CLASP2: variants seen among roughly 807,000 people sequenced by gnomAD.
The protein encoded by CLASP2 is cytoplasmic linker associated protein 2, also known as CLIP-associating protein 2.
CLASP2 carries 47 observed loss-of-function variants against 194.4 expected under a neutral mutation model. The ratio of observed to expected loss-of-function variants is 0.24; its 90% CI spans 0.19 to 0.31. The LOEUF is 0.31. Among genes scored for constraint, CLASP2 ranks in the 10% least tolerant of loss-of-function variants. The probability of loss-of-function intolerance (pLI) is 1.00; values close to 1 mark genes in which losing one functional copy is unlikely to be tolerated. For missense variants in CLASP2, 1,445 were observed against 1,823.6 expected (o/e 0.79, Z 3.78); for synonymous variants, 619 against 633.5 (o/e 0.98, Z 0.34).
intron 12 of CLASP2, 144 bp from the exon 13 acceptor site, chr3:33,612,215 T>C: frequency 1.6e-6 from 1 of 606,576 alleles, no homozygotes; most frequent in Non-Finnish European, 2.9e-6. Context: ...TTAAGACCAG[T>C]CTTGAAAAGT....
chr3:33,642,944 T>C (rs2081583865), intron 8 of CLASP2, among the ~76,000 whole-genome samples: 1 of 151,846 alleles, frequency 6.6e-6, no homozygotes, highest in South Asian at 2.1e-4. Flanking sequence ...GAATGAAGGC[T>C]TCTACCTTAT....
intron 2 of CLASP2, 112 bp downstream of exon 2, chr3:33,696,743 G>T: frequency 1.2e-6 from 1 of 813,688 alleles, no homozygotes; most frequent in Non-Finnish European, 2.0e-6. Context: ...TGGGATTACA[G>T]AAATTACATT....
At chr3:33,575,222 G>T (rs1442175999) in intron 24 of CLASP2, among the ~76,000 whole-genome samples, 1 of 152,048 alleles carries the variant, frequency 6.6e-6, no homozygotes, top group African/African-American at 2.4e-5. Context: ...TAATCAAGTG[G>T]CTGAAGTAAC....
chr3:33,528,826 GAA>G (rs2055355144), intron 34 of CLASP2, among the ~76,000 whole-genome samples: 1 of 151,966 alleles, frequency 6.6e-6, no homozygotes, highest in African/African-American at 2.4e-5. Context: ...AAGAGAGAAA[GAA>G]AGAGAGGTCG....
intron 9 of CLASP2, 64 bp downstream of exon 9, chr3:33,632,228 G>T: frequency 2.0e-6 from 2 of 1,016,518 alleles, no homozygotes; most frequent in South Asian, 2.0e-5. Flanking sequence ...AAGGGACAGA[G>T]ACAAATAATT....
At chr3:33,543,625 T>C (rs2058717417) in intron 31 of CLASP2, 86 bp from the exon 32 acceptor site, 1 of 780,356 alleles carries the variant, frequency 1.3e-6, no homozygotes, top group African/African-American at 1.7e-5. Context: ...AAACATTAGG[T>C]TGAACCATAT....
At chr3:33,584,615 A>G (rs1320066087) in intron 22 of CLASP2, 135 bp downstream of exon 22, 2 of 817,396 alleles carry the variant, frequency 2.4e-6, no homozygotes, top group Admixed American at 3.3e-5. Flanking sequence ...CTATTCTTCA[A>G]TTGTTGAATT....
At position 33,498,724 on chromosome 3, in the gene CLASP2, A is replaced by G; in HGVS notation, c.4435-7T>C. ...AAAGATTCAGTAGCTTCATCTGCAG[A>G]TTCAAGCCAAATAAATGTCATTTGA... On this transcript the variant is annotated splice_polypyrimidine_tract_variant and splice_region_variant and intron_variant, in intron 38 of 38. Coordinates refer to ENST00000682230, the MANE Select transcript of CLASP2 (RefSeq NM_001365631.1). 6.2e-7 allele frequency: 1 copy of G among 1,602,630 alleles called. No homozygotes were observed. The highest frequency in any genetic ancestry group is 8.5e-7 in the Non-Finnish European group (1 of 1,170,100).
At chr3:33,575,417 T>C (rs1475164985) in intron 24 of CLASP2, among the ~76,000 whole-genome samples, 1 of 152,122 alleles carries the variant, frequency 6.6e-6, no homozygotes, top group East Asian at 1.9e-4. Context: ...TTTTTTTTAA[T>C]TTCAAAACAA....
At chr3:33,591,535 C>T (rs2068790781) in intron 21 of CLASP2, among the ~76,000 whole-genome samples, 1 of 152,198 alleles carries the variant, frequency 6.6e-6, no homozygotes, top group Non-Finnish European at 1.5e-5. Context: ...TGCTTGAGCC[C>T]AGGAGTTGGA....
chr3:33,561,363 A>C (rs556242065), intron 27 of CLASP2, among the ~76,000 whole-genome samples: 1 of 152,328 alleles, frequency 6.6e-6, no homozygotes, highest in Non-Finnish European at 1.5e-5. Context: ...GGCACTGAGT[A>C]AATGAGAAGA....
chr3:33,620,180 T>G (rs1181273648), intron 11 of CLASP2, among the ~76,000 whole-genome samples: 1 of 152,160 alleles, frequency 6.6e-6, no homozygotes, highest in Non-Finnish European at 1.5e-5. Context: ...CCTCAAGATA[T>G]TCTTTATTTC....
chr3:33,650,116 C>T (rs1176107778), intron 7 of CLASP2, among the ~76,000 whole-genome samples: 1 of 152,132 alleles, frequency 6.6e-6, no homozygotes, highest in African/African-American at 2.4e-5. Context: ...AATAACTGAG[C>T]AAACTTGACT....
chr3:33,625,997 A>T (rs2077981825), intron 10 of CLASP2, among the ~76,000 whole-genome samples: 1 of 152,130 alleles, frequency 6.6e-6, no homozygotes, highest in Non-Finnish European at 1.5e-5. Context: ...TATACTAATA[A>T]CACTTAATCT....
intron 23 of CLASP2, 24 bp from the exon 24 acceptor site, chr3:33,576,299 T>C (rs756014288): frequency 7.6e-6 from 12 of 1,579,698 alleles, no homozygotes; most frequent in Non-Finnish European, 7.8e-6. Context: ...AGAAGGAAAA[T>C]AGATTTGAAG....
intron 29 of CLASP2, among the ~76,000 whole-genome samples, chr3:33,553,526 T>C (rs907647715): frequency 6.6e-6 from 1 of 152,106 alleles, no homozygotes; most frequent in African/African-American, 2.4e-5. Flanking sequence ...ATAAACTATT[T>C]AGAAAATGGG....
chr3:33,583,552 A>C (rs2066626497), intron 22 of CLASP2, among the ~76,000 whole-genome samples: 1 of 152,200 alleles, frequency 6.6e-6, no homozygotes, highest in South Asian at 2.1e-4. Flanking sequence ...TTTAAAGCCA[A>C]CTTATGGAAC....
At chr3:33,537,933 A>G (rs947265850) in intron 33 of CLASP2, among the ~76,000 whole-genome samples, 1 of 152,142 alleles carries the variant, frequency 6.6e-6, no homozygotes, top group African/African-American at 2.4e-5. Flanking sequence ...CAAGGTCAGG[A>G]GATCGAGACC....
At chr3:33,554,225 CAAAAAAA>C (rs58168943) in intron 29 of CLASP2, among the ~76,000 whole-genome samples, 4 of 88,944 alleles carry the variant, frequency 4.5e-5, no homozygotes. Context: ...GAAACTGTCT[CAAAAAAA>C]AAAAAAAAAA....
Sources: allele counts gnomAD v4.1 joint callset (sites outside exome capture counted in the v4.1 genomes callset), GRCh38; gene constraint gnomAD v4.1.1; transcripts MANE v1.5; gene names NCBI Gene and HGNC (gene_info 2026-07-23, HGNC 2026-07-21).